SPX: variants seen among roughly 807,000 people sequenced by gnomAD.
SPX encodes spexin.
SPX carries 22 observed loss-of-function variants against 19.2 expected under a neutral mutation model. The observed-to-expected ratio is 1.15, with a 90% CI of 0.82 to 1.64. SPX has a LOEUF of 1.64. Ranked by LOEUF, SPX falls within the 40% of genes most tolerant of loss-of-function variation. The pLI, the probability that SPX is intolerant of heterozygous loss-of-function variation, is 0.00. For synonymous variants in SPX, 50 were observed against 53.3 expected, an observed-to-expected ratio of 0.94 and a Z score of 0.27; for missense variants, 143 against 137.7, an observed-to-expected ratio of 1.04 and a Z score of -0.19.
At chr12:21,527,893 C>A in intron 4 of SPX, 104 bp downstream of exon 4, 1 of 1,328,782 alleles carries the variant, frequency 7.5e-7, no homozygotes, top group Non-Finnish European at 1.0e-6. Flanking sequence ...GTCTCCTCAC[C>A]GGAAAGACGC....
At chr12:21,526,653 T>C (rs1943817477) in intron 1 of SPX, among the ~76,000 whole-genome samples, 175 bp downstream of exon 1, 1 of 152,252 alleles carries the variant, frequency 6.6e-6, no homozygotes, top group Non-Finnish European at 1.5e-5. Context: ...ACGTATTTAC[T>C]TATTCTTCAT....
chr12:21,531,120 A>T lies in SPX; in HGVS notation c.293-17A>T. 6.9e-7 allele frequency: 1 copy of T among 1,453,494 alleles called. No individual in the cohort carries two copies. 90.0% of individuals were successfully genotyped at this position (1,453,494 alleles called of 1,614,324 possible). On this transcript the variant is annotated splice_polypyrimidine_tract_variant and intron_variant, in intron 5 of 5. Coordinates refer to ENST00000256969, the MANE Select transcript of SPX (RefSeq NM_030572.4). Reference sequence around the variant, plus strand: ...GCAGAGTGTATATTTATTTTAAAGAATTTTTTTTTCTTACAGATGAAGAAA... The same window carrying T: ...GCAGAGTGTATATTTATTTTAAAGATTTTTTTTTTCTTACAGATGAAGAAA...
intron 2 of SPX, 38 bp downstream of exon 2, chr12:21,527,004 G>T (rs762711867): frequency 2.5e-6 from 4 of 1,593,352 alleles, no homozygotes; most frequent in Non-Finnish European, 3.4e-6. Flanking sequence ...AAAACAATGC[G>T]CACTGTGTGT....
intron 5 of SPX, among the ~76,000 whole-genome samples, chr12:21,530,785 C>T (rs1943857581): frequency 6.6e-6 from 1 of 152,090 alleles, no homozygotes; most frequent in Non-Finnish European, 1.5e-5. Flanking sequence ...AGAGACAGTC[C>T]TTTGATGCAA....
At chr12:21,528,643 T>C (rs1451752187) in intron 4 of SPX, among the ~76,000 whole-genome samples, 4 of 152,200 alleles carry the variant, frequency 2.6e-5, no homozygotes, top group Non-Finnish European at 5.9e-5. Context: ...TCAGAACAAT[T>C]TGTCTTTTTT....
At chr12:21,526,776 C>A in intron 1 of SPX, 110 bp from the exon 2 acceptor site, 1 of 1,094,064 alleles carries the variant, frequency 9.1e-7, no homozygotes, top group Non-Finnish European at 1.4e-6. Flanking sequence ...AGTATTAAAA[C>A]AGAATATTGC....
At chr12:21,530,547 C>G (rs1172999415) in intron 5 of SPX, among the ~76,000 whole-genome samples, 1 of 152,134 alleles carries the variant, frequency 6.6e-6, no homozygotes, top group Non-Finnish European at 1.5e-5. Flanking sequence ...TCATTCTATC[C>G]TATTTTTAGA....
At chr12:21,529,543 G>A (rs1003199091) in intron 5 of SPX, among the ~76,000 whole-genome samples, 4 of 152,176 alleles carry the variant, frequency 2.6e-5, no homozygotes, top group Admixed American at 2.6e-4. Context: ...ACTTTCCAGG[G>A]ATGGAAACTA....
chr12:21,529,170 C>G, intron 5 of SPX, 86 bp downstream of exon 5: 1 of 1,325,714 alleles, frequency 7.5e-7, no homozygotes, highest in Non-Finnish European at 1.1e-6. Context: ...ACACCCCTCC[C>G]CCAGAATTTC....
intron 5 of SPX, among the ~76,000 whole-genome samples, 160 bp from the exon 6 acceptor site, chr12:21,530,977 A>G (rs932834947): frequency 6.6e-6 from 1 of 152,218 alleles, no homozygotes; most frequent in Non-Finnish European, 1.5e-5. Flanking sequence ...AAACTGAGCA[A>G]ATCAAAGCCC....
In SPX at chr12:21,527,737, C is replaced by T; in HGVS notation, c.156C>T (p.Arg52=). The T allele has an allele frequency of 6.4e-7, 1 of 1,566,178 alleles. No homozygotes were observed. The highest frequency in any genetic ancestry group is 8.7e-7 in the Non-Finnish European group (1 of 1,154,776). The part of the protein sequence containing the change: ...MLYLKGAQGR[R]FISDQSRRKD... Reference sequence around the variant, plus strand: ...GTCTCGTTTTTGCAGAGGGTCGCCGCTTCATCTCCGACCAGAGCCGGAGAA... The same window carrying T: ...GTCTCGTTTTTGCAGAGGGTCGCCGTTTCATCTCCGACCAGAGCCGGAGAA... The change falls in exon 4 of 6, where the codon CGC becomes CGT. Residue 52 remains arginine (R), a synonymous_variant. Transcript: ENST00000256969.
rs986326791 is a variant in SPX at position 21,527,505 on chromosome 12, T to C, written c.146-222T>C. 6.5e-6 allele frequency: 4 copies of C among 611,860 alleles called. No individual in the cohort carries two copies. The Admixed American group carries it at 1.2e-4, about 18-fold the overall frequency. The allele number at this position is 611,860 out of a possible 1,614,324, so 37.9% of individuals were successfully genotyped here. On this transcript the variant is annotated intron_variant, in intron 3 of 5. Coordinates refer to ENST00000256969, the MANE Select transcript of SPX (RefSeq NM_030572.4). ...TCCGCTCCAAAGCGCCCTTGCGGCG[T>C]CCGGTCAGGCGCGGGGCTTTCCTCC...
Position 21,526,401 on chromosome 12 carries a change from A to G in SPX, c.-72A>G. 1 of 1,493,724 alleles carries G rather than the reference A, an allele frequency of 6.7e-7. No homozygotes were observed. Among genetic ancestry groups the G allele is most frequent in the Non-Finnish European group, 9.1e-7 (1 of 1,095,154 alleles). The allele number at this position is 1,493,724 out of a possible 1,614,324, so 92.5% of individuals were successfully genotyped here. ...TTAACACCAAGATTTTAAAAGCTCC[A>G]ATTTCAGAGCAAGAGTCGAAAACTC... On this transcript the variant is annotated 5_prime_UTR_variant, in exon 1 of 6. Transcript: ENST00000256969.
chr12:21,527,839 A>G (rs756614711), intron 4 of SPX, 50 bp downstream of exon 4: 1 of 1,539,370 alleles, frequency 6.5e-7, no homozygotes, highest in East Asian at 2.4e-5. Context: ...TTGGAATAGG[A>G]TGGGGCGGGC....
In SPX at chr12:21,531,901, C is replaced by T; in HGVS notation, c.*706C>T. The T allele has an allele frequency of 6.6e-6, 1 of 152,188 alleles. No homozygotes were observed. Among genetic ancestry groups the T allele is most frequent in the East Asian group, 1.9e-4 (1 of 5,202 alleles). 9.4% of individuals were successfully genotyped at this position (152,188 alleles called of 1,614,324 possible). A position where few individuals can be genotyped will look rare whatever the true frequency, so the allele number is the denominator to read the frequency against. On this transcript the variant is annotated 3_prime_UTR_variant, in exon 6 of 6. Coordinates refer to ENST00000256969, the MANE Select transcript of SPX (RefSeq NM_030572.4). ...TGGGAAATAAGCAGATGGAGACACA[C>T]TCTGTTGTTTACGTATTGGAAGAAG...
At position 21,526,454 on chromosome 12, in the gene SPX, T is replaced by C; in HGVS notation, c.-19T>C. ...AGATAAAGTTATAGTTATTTCAGGG[T>C]TCTGAAAAGACGCAGAACATGAAGG... On this transcript the variant is annotated 5_prime_UTR_variant, in exon 1 of 6. Coordinates refer to ENST00000256969, the MANE Select transcript of SPX (RefSeq NM_030572.4). 1 of 1,587,600 alleles carries C rather than the reference T, an allele frequency of 6.3e-7. No individual in the cohort carries two copies. Among genetic ancestry groups the C allele is most frequent in the Non-Finnish European group, 8.6e-7 (1 of 1,161,784 alleles).
At chr12:21,528,476 G>A (rs1943835597) in intron 4 of SPX, among the ~76,000 whole-genome samples, 1 of 152,098 alleles carries the variant, frequency 6.6e-6, no homozygotes, top group South Asian at 2.1e-4. Flanking sequence ...ATACTTACTT[G>A]GAAAAATACC....
intron 4 of SPX, among the ~76,000 whole-genome samples, chr12:21,528,707 T>C (rs2136821591): frequency 6.6e-6 from 1 of 152,360 alleles, no homozygotes; most frequent in Admixed American, 6.5e-5. Context: ...TTCAGTCAAA[T>C]AATTACCTTA....
chr12:21,526,828 G>T (rs555161006), intron 1 of SPX, 58 bp from the exon 2 acceptor site: 1 of 1,495,182 alleles, frequency 6.7e-7, no homozygotes, highest in East Asian at 2.3e-5. Flanking sequence ...GTCAAGGAAG[G>T]AAGCAGAAGA....
Sources: gnomAD v4.1 joint callset for allele counts (sites outside exome capture counted in the v4.1 genomes callset) on GRCh38, gnomAD v4.1.1 for gene constraint, MANE v1.5 for transcripts, NCBI Gene and HGNC (gene_info 2026-07-23, HGNC 2026-07-21) for gene names.